The following CDKL4 variants were observed in gnomAD, a reference collection of about 807,000 sequenced individuals.
CDKL4 encodes the protein cyclin-dependent kinase-like 4.
Under a neutral mutation model 42.0 loss-of-function variants are expected in CDKL4, and 44 were observed. The observed-to-expected ratio is 1.05, with a 90% CI of 0.82 to 1.35. CDKL4 has a LOEUF of 1.35. Among genes scored for constraint, CDKL4 ranks in the 40% most tolerant of loss-of-function variants. The pLI, the probability that CDKL4 is intolerant of heterozygous loss-of-function variation, is 0.00. For synonymous variants in CDKL4, 120 were observed against 121.6 expected, an observed-to-expected ratio of 0.99 and a Z score of 0.09; for missense variants, 393 against 369.9, an observed-to-expected ratio of 1.06 and a Z score of -0.51.
At chr2:39,209,317 G>GAAAA (rs11372337) in intron 4 of CDKL4, among the ~76,000 whole-genome samples, 1 of 137,282 alleles carries the variant, frequency 7.3e-6, no homozygotes, top group Non-Finnish European at 1.5e-5. Flanking sequence ...GTCTCAGGAA[G>GAAAA]AAAAAAAAAA....
rs1678944468 is a variant in CDKL4 at position 39,229,233 on chromosome 2, A to T, written c.168+132T>A. The T allele has an allele frequency of 1.1e-5, 7 of 649,806 alleles. No homozygotes were observed. In the South Asian group the frequency reaches 1.5e-4, roughly 14 times the overall value. The allele number at this position is 649,806 out of a possible 1,614,324, so 40.3% of individuals were successfully genotyped here. On this transcript the variant is annotated intron_variant, in intron 2 of 9. Transcript: ENST00000451199. Reference sequence around the variant, plus strand: ...CGAAGTCCAAAGTGATAATCAACTTATTACCCAAAGGTGCTGATACAAAGG... The same window carrying T: ...CGAAGTCCAAAGTGATAATCAACTTTTTACCCAAAGGTGCTGATACAAAGG...
intron 5 of CDKL4, among the ~76,000 whole-genome samples, chr2:39,194,135 A>C (rs1024574344): frequency 2.0e-5 from 3 of 152,118 alleles, no homozygotes; most frequent in African/African-American, 7.2e-5. Flanking sequence ...CCCACTAAAA[A>C]CAATCTTGTG....
At chr2:39,223,612 C>CAA (rs796918055) in intron 3 of CDKL4, among the ~76,000 whole-genome samples, 22 of 49,846 alleles carry the variant, frequency 4.4e-4, no homozygotes, top group Admixed American at 3.7e-3. Context: ...CTTCTGTCTT[C>CAA]AAAAAAAAAA....
rs76817764 is a variant in CDKL4 at position 39,221,968 on chromosome 2, T to C, written c.290+3871A>G. ...GTTGTTACTTTGAATATCTGTCTCT[T>C]CATCACATTTTAAGCTTCTTGAGGG... On this transcript the variant is annotated intron_variant, in intron 3 of 9. Coordinates refer to ENST00000451199, the Ensembl canonical transcript of CDKL4. 6.7e-3 allele frequency among the ~76,000 whole-genome samples: 1,014 copies of C among 152,340 alleles called. 10 individuals carry two copies. The highest frequency in any genetic ancestry group is 0.011 in the Non-Finnish European group (754 of 68,032).
chr2:39,219,335 A>T (rs1360450577), intron 3 of CDKL4, among the ~76,000 whole-genome samples: 1 of 152,210 alleles, frequency 6.6e-6, no homozygotes, highest in African/African-American at 2.4e-5. Context: ...ATGAGGACGG[A>T]AGGGCAGCAT....
intron 5 of CDKL4, among the ~76,000 whole-genome samples, chr2:39,192,703 G>T (rs1310752292): frequency 6.6e-6 from 1 of 151,846 alleles, no homozygotes; most frequent in African/African-American, 2.4e-5. Flanking sequence ...TTTAATGGCT[G>T]CATAACAGCT....
At chr2:39,209,658 C>T (rs1677461601) in intron 4 of CDKL4, among the ~76,000 whole-genome samples, 1 of 152,130 alleles carries the variant, frequency 6.6e-6, no homozygotes, top group African/African-American at 2.4e-5. Flanking sequence ...GCCTGAATCC[C>T]TTGGTACTTT....
chr2:39,209,981 TTA>T, intron 4 of CDKL4, among the ~76,000 whole-genome samples: 1 of 152,106 alleles, frequency 6.6e-6, no homozygotes, highest in South Asian at 2.1e-4. Context: ...AGGAGGGAAG[TTA>T]GTCTGAAAAA....
At chr2:39,212,499 C>T (rs1677648731) in intron 4 of CDKL4, among the ~76,000 whole-genome samples, 1 of 152,042 alleles carries the variant, frequency 6.6e-6, no homozygotes, top group African/African-American at 2.4e-5. Context: ...TCCCAAAGTG[C>T]TGGGATTACA....
the CDKL4 span, among the ~76,000 whole-genome samples, chr2:39,169,958 C>T: frequency 6.6e-6 from 1 of 152,094 alleles, no homozygotes; most frequent in Non-Finnish European, 1.5e-5. Flanking sequence ...TCAGCCTTGA[C>T]CTCCTGGGCT....
chr2:39,180,326 T>C (rs1299463063), intron 8 of CDKL4, among the ~76,000 whole-genome samples: 1 of 152,220 alleles, frequency 6.6e-6, no homozygotes, highest in Non-Finnish European at 1.5e-5. Flanking sequence ...AGCACAAACA[T>C]TGTTTTGAGG....
exon 9 of CDKL4, chr2:39,179,299 T>C: frequency 1.2e-6 from 2 of 1,602,762 alleles, no homozygotes; most frequent in Non-Finnish European, 1.7e-6. Flanking sequence ...TAATCTGTCA[T>C]CTGGATTCAT....
intron 9 of CDKL4, among the ~76,000 whole-genome samples, chr2:39,176,374 C>T (rs187119796): frequency 3.4e-4 from 51 of 152,208 alleles, no homozygotes; most frequent in Non-Finnish European, 5.3e-4. Flanking sequence ...AAGGTAGATG[C>T]CCATCAGCTA....
chr2:39,226,480 A>G (rs1678751424), intron 2 of CDKL4, among the ~76,000 whole-genome samples: 2 of 144,236 alleles, frequency 1.4e-5, no homozygotes, highest in Non-Finnish European at 3.0e-5. Flanking sequence ...TATATATAAT[A>G]TATATTATAT....
At chr2:39,238,349 C>T (rs1476463472) in intron 1 of CDKL4, among the ~76,000 whole-genome samples, 2 of 152,166 alleles carry the variant, frequency 1.3e-5, no homozygotes, top group East Asian at 3.8e-4. Context: ...GGGAGGATCA[C>T]CTGAGCCCAG....
intron 4 of CDKL4, among the ~76,000 whole-genome samples, chr2:39,212,581 G>A (rs17023430): frequency 2.6e-5 from 4 of 151,592 alleles, no homozygotes; most frequent in Non-Finnish European, 4.4e-5. Flanking sequence ...GATTGCTATC[G>A]AGTAAAGGAC....
At chr2:39,215,010 C>A (rs1203860173) in intron 3 of CDKL4, among the ~76,000 whole-genome samples, 1 of 152,162 alleles carries the variant, frequency 6.6e-6, no homozygotes, top group East Asian at 1.9e-4. Context: ...GGTAGCTTTC[C>A]ATCACTCACA....
chr2:39,245,834 G>C (rs73924808), upstream of CDKL4, among the ~76,000 whole-genome samples: 4 of 152,154 alleles, frequency 2.6e-5, no homozygotes, highest in Non-Finnish European at 5.9e-5. Context: ...AGGTTTTTGC[G>C]TGAAAAGCAG....
At chr2:39,244,416 C>T (rs1163045515), upstream of CDKL4, among the ~76,000 whole-genome samples, 2 of 152,232 alleles carry the variant, frequency 1.3e-5, no homozygotes, top group African/African-American at 4.8e-5. Flanking sequence ...ACTTAGCACC[C>T]GGGCCAGCGG....
Sources: allele counts gnomAD v4.1 joint callset (sites outside exome capture counted in the v4.1 genomes callset), GRCh38; gene constraint gnomAD v4.1.1; transcripts MANE v1.5; gene names NCBI Gene and HGNC (gene_info 2026-07-23, HGNC 2026-07-21).